SEPSECS: variants seen among roughly 807,000 people sequenced by gnomAD.
SEPSECS encodes the protein O-phosphoseryl-tRNA(Sec) selenium transferase.
In SEPSECS, 42 loss-of-function variants were observed where a neutral mutation model predicts 52.1. That is an observed-to-expected ratio of 0.81 (90% CI 0.63 to 1.04). The LOEUF (loss-of-function observed/expected upper bound fraction) is 1.04. Ranked by LOEUF, SEPSECS falls within the 50% of genes least tolerant of loss-of-function variation. The pLI is 0.00. For missense variants in SEPSECS, 590 were observed against 610.6 expected, an observed-to-expected ratio of 0.97 and a Z score of 0.36; for synonymous variants, 216 against 211.4, an observed-to-expected ratio of 1.02 and a Z score of -0.19.
Position 25,123,704 on chromosome 4 carries a change from A to G in SEPSECS, c.*227T>C. 1 of 533,496 alleles carries G rather than the reference A, an allele frequency of 1.9e-6. No individual in the cohort carries two copies. 33.0% of individuals were successfully genotyped at this position (533,496 alleles called of 1,614,324 possible). On this transcript the variant is annotated 3_prime_UTR_variant, in exon 11 of 11. Transcript: ENST00000382103. Reference sequence around the variant, plus strand: ...TGACAGATATTCTAACAATTAGAAAAATGCTAATTGTATATTATAACCTGT... The same window carrying G: ...TGACAGATATTCTAACAATTAGAAAGATGCTAATTGTATATTATAACCTGT...
intron 8 of SEPSECS, 43 bp downstream of exon 8, chr4:25,144,731 T>G: frequency 7.4e-7 from 1 of 1,351,548 alleles, no homozygotes; most frequent in Non-Finnish European, 1.1e-6. Context: ...TGGAGCACAG[T>G]TCTAGTCAAG....
chr4:25,125,118 T>A (rs1728307189), intron 10 of SEPSECS, among the ~76,000 whole-genome samples: 1 of 152,048 alleles, frequency 6.6e-6, no homozygotes, highest in South Asian at 2.1e-4. Flanking sequence ...TACAGAAAAA[T>A]TATTTAATAG....
At position 25,132,124 on chromosome 4, in the gene SEPSECS, AAAAG is replaced by A. The variant is rs533396873; in HGVS notation, c.1027-4771_1027-4768del. Among the ~76,000 whole-genome samples the A allele has an allele frequency of 1.9e-4, 29 of 152,354 alleles. No individual in the cohort carries two copies. In the East Asian group the frequency reaches 5.2e-3, roughly 27 times the overall value. On this transcript the variant is annotated intron_variant, in intron 8 of 10. Coordinates refer to ENST00000382103, the MANE Select transcript of SEPSECS (RefSeq NM_016955.4). ...TCTCTCTGATCCTTTCACCCTTCAA[AAAAG>A]AAAGCTTAAGAAGGAATGGCTTCAA...
At position 25,145,131 on chromosome 4, in the gene SEPSECS, C is replaced by T; in HGVS notation, c.807G>A (p.Gly269=). 2 of 1,613,714 alleles carry T rather than the reference C, an allele frequency of 1.2e-6. No individual in the cohort carries two copies. Among genetic ancestry groups the T allele is most frequent in the Non-Finnish European group, 1.7e-6 (2 of 1,179,874 alleles). Residue 269 remains glycine (G), a splice_region_variant and synonymous_variant, in exon 7 of 11, where the codon GGG becomes GGA. Coordinates refer to ENST00000382103, the MANE Select transcript of SEPSECS (RefSeq NM_016955.4). ...SSKCMHLIQQ[G]ARVGRIDAFV... is the part of the protein sequence containing the mutation. ...AAGCATCTATTCTACCAACTCGAGCCCCCTGGAATCAATATGATATTACAT... is the reference window on the plus strand; with the variant it reads ...AAGCATCTATTCTACCAACTCGAGCTCCCTGGAATCAATATGATATTACAT...
intron 8 of SEPSECS, among the ~76,000 whole-genome samples, chr4:25,138,580 C>T (rs573594905): frequency 2.0e-4 from 30 of 151,736 alleles, no homozygotes; most frequent in Admixed American, 2.0e-4. Context: ...AAAAAGACTA[C>T]AAAAGATCAG....
chr4:25,143,769 T>C (rs757680931), intron 8 of SEPSECS, among the ~76,000 whole-genome samples: 3 of 152,180 alleles, frequency 2.0e-5, no homozygotes, highest in Non-Finnish European at 4.4e-5. Context: ...ATAATACATA[T>C]GAAAATGCTT....
At position 25,156,180 on chromosome 4, in the gene SEPSECS, G is replaced by A; in HGVS notation, c.404C>T (p.Ala135Val). 6.2e-7 allele frequency: 1 copy of A among 1,613,978 alleles called. No individual in the cohort carries two copies. Among genetic ancestry groups the A allele is most frequent in the Non-Finnish European group, 8.5e-7 (1 of 1,179,936 alleles). ...IIKLAGVHTV[A>V]NCFVVPMATG... ...TGCCATAGGAACTACAAAGCAGTTG[G>A]CTACTGTATGGACACCTACAAATAA... The change falls in exon 4 of 11, where the codon GCC becomes GTC. Residue 135 changes from alanine (A) to valine (V), a missense_variant. Physicochemically the swap from Ala to Val is moderately conservative, Grantham distance 64. Transcript: ENST00000382103.
intron 3 of SEPSECS, 26 bp downstream of exon 3, chr4:25,156,830 A>T: frequency 8.3e-7 from 1 of 1,197,772 alleles, no homozygotes; most frequent in Non-Finnish European, 1.2e-6. Flanking sequence ...GACAGCCAAA[A>T]GCATTATGAT....
Position 25,121,268 on chromosome 4 carries a change from C to G in SEPSECS, c.*2663G>C, listed in dbSNP as rs188258593. 1 of 152,208 alleles carries G rather than the reference C, an allele frequency of 6.6e-6. No individual in the cohort carries two copies. Among genetic ancestry groups the G allele is most frequent in the African/African-American group, 2.4e-5 (1 of 41,544 alleles). 9.4% of individuals were successfully genotyped at this position (152,208 alleles called of 1,614,324 possible). Reference sequence around the variant, plus strand: ...TTTGATTTAAAATTCCCTTCCCTGCCATGTATAAGTAACACATTGTGTAGT... The same window carrying G: ...TTTGATTTAAAATTCCCTTCCCTGCGATGTATAAGTAACACATTGTGTAGT... On this transcript the variant is annotated 3_prime_UTR_variant, in exon 11 of 11. Coordinates refer to ENST00000382103, the MANE Select transcript of SEPSECS (RefSeq NM_016955.4).
chr4:25,131,668 T>G (rs1230596123), intron 8 of SEPSECS, among the ~76,000 whole-genome samples: 1 of 152,182 alleles, frequency 6.6e-6, no homozygotes, highest in Non-Finnish European at 1.5e-5. Flanking sequence ...TCTAGTAGTG[T>G]TTTCAAACTT....
At chr4:25,153,748 C>T (rs1434310547) in intron 5 of SEPSECS, among the ~76,000 whole-genome samples, 1 of 151,988 alleles carries the variant, frequency 6.6e-6, no homozygotes, top group Non-Finnish European at 1.5e-5. Context: ...CTGTGCATCA[C>T]CCTTTTCCTA....
intron 8 of SEPSECS, among the ~76,000 whole-genome samples, chr4:25,141,245 T>G (rs1473137098): frequency 2.0e-5 from 3 of 152,190 alleles, no homozygotes; most frequent in African/African-American, 7.2e-5. Flanking sequence ...CTCAGACCTC[T>G]TAATGCTGTA....
At chr4:25,128,623 TATTTGACCTAA>T (rs1159787285) in intron 8 of SEPSECS, among the ~76,000 whole-genome samples, 1 of 152,136 alleles carries the variant, frequency 6.6e-6, no homozygotes, top group African/African-American at 2.4e-5. Flanking sequence ...AGTTGGCAAC[TATTTGACCTAA>T]AATTTTACTT....
intron 3 of SEPSECS, 100 bp downstream of exon 3, chr4:25,156,756 T>G: frequency 2.2e-6 from 1 of 454,738 alleles, no homozygotes; most frequent in Non-Finnish European, 4.4e-6. Context: ...CAAAAGCCAC[T>G]CATACTCTTT....
intron 1 of SEPSECS, chr4:25,159,545 G>A: frequency 2.4e-6 from 1 of 423,958 alleles, no homozygotes; most frequent in Non-Finnish European, 4.7e-6. Context: ...GCCAAGAATG[G>A]CCGATCACTT....
intron 8 of SEPSECS, among the ~76,000 whole-genome samples, chr4:25,143,568 C>T (rs1711739775): frequency 6.6e-6 from 1 of 152,152 alleles, no homozygotes; most frequent in Non-Finnish European, 1.5e-5. Context: ...TTTAAATTTG[C>T]ATTTCCCTAA....
intron 8 of SEPSECS, among the ~76,000 whole-genome samples, chr4:25,133,110 C>A (rs1728677540): frequency 6.6e-6 from 1 of 152,130 alleles, no homozygotes; most frequent in Admixed American, 6.5e-5. Flanking sequence ...GCTCCCCACC[C>A]ACCTATTTTT....
upstream of SEPSECS, chr4:25,160,503 C>A: frequency 1.4e-6 from 1 of 704,934 alleles, no homozygotes; most frequent in Non-Finnish European, 2.4e-6. Context: ...CAAAACAAAA[C>A]AAAACAAAAA....
At chr4:25,141,034 T>A (rs768521204) in intron 8 of SEPSECS, among the ~76,000 whole-genome samples, 56 of 152,208 alleles carry the variant, frequency 3.7e-4, no homozygotes, top group Non-Finnish European at 6.2e-4. Context: ...GTATTCAGTA[T>A]TATAAGTAAT....
Sources: allele counts gnomAD v4.1 joint callset (sites outside exome capture counted in the v4.1 genomes callset), GRCh38; gene constraint gnomAD v4.1.1; transcripts MANE v1.5; gene names NCBI Gene and HGNC (gene_info 2026-07-23, HGNC 2026-07-21).